The following WDR11 variants were observed in gnomAD, a reference collection of about 807,000 sequenced individuals.
WDR11 encodes WD repeat-containing protein 11.
A neutral mutation model predicts 151.2 loss-of-function variants in WDR11; 83 were observed. The observed-to-expected ratio is 0.55, with a 90% CI of 0.46 to 0.66. The LOEUF (loss-of-function observed/expected upper bound fraction) is 0.66, where lower values mean the gene tolerates loss of function less well. Among genes scored for constraint, WDR11 ranks in the 30% least tolerant of loss-of-function variants. WDR11 has a pLI of 0.00. For synonymous variants in WDR11, 484 were observed against 533.1 expected (o/e 0.91, Z 1.27); for missense variants, 1,301 against 1,480.9 (o/e 0.88, Z 1.99).
chr10:120,889,701 G>T, intron 17 of WDR11, 194 bp from the exon 18 acceptor site: 1 of 595,064 alleles, frequency 1.7e-6, no homozygotes. Context: ...TCTGCAAGTG[G>T]CCCCTGCAGA....
intron 19 of WDR11, among the ~76,000 whole-genome samples, chr10:120,894,037 A>G (rs1044036435): frequency 3.3e-5 from 5 of 151,586 alleles, no homozygotes; most frequent in African/African-American, 1.2e-4. Flanking sequence ...CCATTTGTCA[A>G]TTTTGGCTTT....
chr10:120,878,581 T>A, intron 12 of WDR11, 122 bp downstream of exon 12: 1 of 715,744 alleles, frequency 1.4e-6, no homozygotes, highest in Non-Finnish European at 2.3e-6. Context: ...GCTTATATAT[T>A]TATTCTTTTA....
At chr10:120,898,527 T>TA (rs1388870607) in intron 19 of WDR11, among the ~76,000 whole-genome samples, 2 of 152,234 alleles carry the variant, frequency 1.3e-5, no homozygotes, top group African/African-American at 4.8e-5. Flanking sequence ...GGATCACTGA[T>TA]ACGATTTGGC....
chr10:120,903,012 AG>A (rs1420597551), intron 22 of WDR11, 42 bp from the exon 23 acceptor site: 1 of 1,606,016 alleles, frequency 6.2e-7, no homozygotes, highest in Non-Finnish European at 8.5e-7. Context: ...CATCCAGGCC[AG>A]GTGTGCTGAG....
At chr10:120,863,523 A>G (rs1846209200) in intron 5 of WDR11, among the ~76,000 whole-genome samples, 1 of 152,262 alleles carries the variant, frequency 6.6e-6, no homozygotes. Flanking sequence ...ATGTAATGTC[A>G]TTGATACATA....
intron 2 of WDR11, among the ~76,000 whole-genome samples, chr10:120,854,184 C>T (rs1368480982): frequency 2.0e-5 from 3 of 152,178 alleles, no homozygotes; most frequent in Non-Finnish European, 4.4e-5. Context: ...TATTCCATTT[C>T]CCCCATTTCC....
intron 28 of WDR11, 92 bp downstream of exon 28, chr10:120,906,947 CTATAT>C: frequency 3.9e-6 from 6 of 1,550,760 alleles, no homozygotes; most frequent in Non-Finnish European, 5.3e-6. Context: ...TGGACAGGAA[CTATAT>C]TATATTGTGA....
intron 16 of WDR11, 141 bp from the exon 17 acceptor site, chr10:120,888,937 T>G: frequency 3.1e-6 from 2 of 634,924 alleles, no homozygotes; most frequent in Non-Finnish European, 2.7e-6. Context: ...TCTTTGTTAG[T>G]GTCTAAAGTC....
In WDR11 at chr10:120,892,926, T is replaced by C. The variant is rs551403044; in HGVS notation, c.2515+2039T>C. 2.2e-4 allele frequency among the ~76,000 whole-genome samples: 34 copies of C among 152,182 alleles called. 1 individual carries two copies. In the South Asian group the frequency reaches 7.1e-3, roughly 32 times the overall value. Reference sequence around the variant, plus strand: ...ATGAGACTGTTTAATAGCATTCTGGTATCATGCAGTTTCCACACCCTTTAA... The same window carrying C: ...ATGAGACTGTTTAATAGCATTCTGGCATCATGCAGTTTCCACACCCTTTAA... On this transcript the variant is annotated intron_variant, in intron 19 of 28. Transcript: ENST00000263461.
At chr10:120,904,602 G>C in intron 24 of WDR11, 44 bp from the exon 25 acceptor site, 1 of 1,611,130 alleles carries the variant, frequency 6.2e-7, no homozygotes. Context: ...AGTTATGTTG[G>C]AGGAAAATGT....
intron 13 of WDR11, among the ~76,000 whole-genome samples, chr10:120,882,915 AT>A (rs1276984494): frequency 6.6e-6 from 1 of 152,106 alleles, no homozygotes; most frequent in Admixed American, 6.5e-5. Flanking sequence ...AGATAATTGA[AT>A]TAAGTTGATT....
At chr10:120,865,774 T>C (rs1309435157) in intron 7 of WDR11, 30 bp downstream of exon 7, 1 of 1,451,532 alleles carries the variant, frequency 6.9e-7, no homozygotes, top group Admixed American at 1.7e-5. Flanking sequence ...TAATGTTATA[T>C]TTTTCTTCAA....
chr10:120,905,986 G>A lies in WDR11; in HGVS notation c.3402G>A (p.Leu1134=). 6.2e-7 allele frequency: 1 copy of A among 1,613,994 alleles called. No homozygotes were observed. The highest frequency in any genetic ancestry group is 8.5e-7 in the Non-Finnish European group (1 of 1,180,000). ...KSKALLVLLS[L]GCFFSVAETL... ...AGGCTCTCCTGGTTCTCCTCTCTCT[G>A]GGCTGCTTTTTTAGCGTGGCAGAGA... Residue 1134 remains leucine, a synonymous_variant, in exon 27 of 29, where the codon CTG becomes CTA. Coordinates refer to ENST00000263461, the MANE Select transcript of WDR11 (RefSeq NM_018117.12).
chr10:120,867,547 T>A (rs953211555), intron 9 of WDR11, among the ~76,000 whole-genome samples: 5 of 152,254 alleles, frequency 3.3e-5, no homozygotes, highest in Non-Finnish European at 1.5e-5. Flanking sequence ...TTCCTTTCTG[T>A]CTGCTACTCC....
chr10:120,889,730 A>T (rs1847353194), intron 17 of WDR11, 165 bp from the exon 18 acceptor site: 2 of 652,818 alleles, frequency 3.1e-6, no homozygotes, highest in South Asian at 3.4e-5. Context: ...CTGACCTTAA[A>T]GGGCAGGCCC....
rs1847893879 is a variant in WDR11 at position 120,903,190 on chromosome 10, G to A, written c.2889G>A (p.Leu963=). 6.2e-7 allele frequency: 1 copy of A among 1,614,168 alleles called. No individual in the cohort carries two copies. Residue 963 remains leucine, a synonymous_variant, in exon 23 of 29, where the codon CTG becomes CTA. Coordinates refer to ENST00000263461, the MANE Select transcript of WDR11 (RefSeq NM_018117.12). ...CTCGAGACAAACTGAGCAACCCACT[G>A]GATATATGCTATGACGTGCTCTGTG... ...AAPRDKLSNP[L]DICYDVLCEN...
chr10:120,903,568 A>G (rs1847920145), intron 23 of WDR11, among the ~76,000 whole-genome samples: 1 of 128,684 alleles, frequency 7.8e-6, no homozygotes, highest in African/African-American at 3.0e-5. Flanking sequence ...TTAAAAAAAA[A>G]GCCTGATCAA....
intron 9 of WDR11, among the ~76,000 whole-genome samples, chr10:120,869,106 G>GTTTTTTTT (rs35675368): frequency 1.2e-5 from 1 of 82,020 alleles, no homozygotes; most frequent in Non-Finnish European, 2.4e-5. Flanking sequence ...TAAATTACAG[G>GTTTTTTTT]TTTTTTTTTT....
intron 19 of WDR11, among the ~76,000 whole-genome samples, chr10:120,894,666 A>C (rs1385347436): frequency 6.6e-6 from 1 of 152,142 alleles, no homozygotes; most frequent in African/African-American, 2.4e-5. Context: ...CTCTTTGCTT[A>C]CTGATTTTCT....
Sources: allele counts gnomAD v4.1 joint callset (sites outside exome capture counted in the v4.1 genomes callset), GRCh38; gene constraint gnomAD v4.1.1; transcripts MANE v1.5; gene names NCBI Gene and HGNC (gene_info 2026-07-23, HGNC 2026-07-21).